SHOC2: variants seen among roughly 807,000 people sequenced by gnomAD.
SHOC2 encodes the protein SHOC2 leucine rich repeat scaffold protein, also known as leucine-rich repeat protein SHOC-2.
In SHOC2, 4 loss-of-function variants were observed where a neutral mutation model predicts 50.2. That is an observed-to-expected ratio of 0.08 (90% CI 0.04 to 0.18). SHOC2 has a LOEUF of 0.18. Ranked by LOEUF, SHOC2 falls within the 10% of genes least tolerant of loss-of-function variation. The pLI is 1.00. For synonymous variants in SHOC2, 218 were observed against 244.5 expected, an observed-to-expected ratio of 0.89 and a Z score of 1.01; for missense variants, 388 against 669.6, an observed-to-expected ratio of 0.58 and a Z score of 4.64.
chr10:110,993,328 A>G (rs1197278340), intron 3 of SHOC2, among the ~76,000 whole-genome samples: 2 of 152,222 alleles, frequency 1.3e-5, no homozygotes, highest in Non-Finnish European at 2.9e-5. Flanking sequence ...GTGAATCACA[A>G]TAAATGCCAG....
At chr10:110,998,828 T>G (rs960660934) in intron 3 of SHOC2, among the ~76,000 whole-genome samples, 2 of 152,200 alleles carry the variant, frequency 1.3e-5, no homozygotes, top group Non-Finnish European at 2.9e-5. Context: ...GTAACTTCAC[T>G]CACTTGATAC....
Position 110,968,007 on chromosome 10 carries a change from G to T in SHOC2, c.703+2946G>T, listed in dbSNP as rs188728507. On this transcript the variant is annotated intron_variant, in intron 2 of 8. Transcript: ENST00000369452. The stretch of plus-strand genomic sequence containing the variant: ...CCTAGTAGAATTGTTGAGTCATATG[G>T]TAACTCTATGTTTAACCTTTTTGAG... Among the ~76,000 whole-genome samples the T allele has an allele frequency of 6.0e-4, 91 of 152,216 alleles. 1 individual carries two copies. Among genetic ancestry groups the T allele is most frequent in the Non-Finnish European group, 1.0e-4 (7 of 67,996 alleles).
chr10:110,958,411 A>G (rs574659064), intron 1 of SHOC2, among the ~76,000 whole-genome samples: 6 of 152,118 alleles, frequency 3.9e-5, no homozygotes, highest in South Asian at 2.1e-4. Context: ...ACGGGGTTTC[A>G]CCATGTTGGC....
chr10:110,946,369 T>G (rs1590790363), intron 1 of SHOC2, among the ~76,000 whole-genome samples: 2 of 149,738 alleles, frequency 1.3e-5, no homozygotes, highest in East Asian at 3.9e-4. Context: ...CATCTAGTAT[T>G]GGCCAGGTTC....
chr10:110,981,878 A>ATTAT (rs1564721080), intron 2 of SHOC2, among the ~76,000 whole-genome samples: 1 of 54,168 alleles, frequency 1.8e-5, no homozygotes, highest in Non-Finnish European at 5.4e-5. Flanking sequence ...TTATTTTTTT[A>ATTAT]AGTTTTAGGG....
At chr10:110,959,634 T>G (rs1564712765) in intron 1 of SHOC2, among the ~76,000 whole-genome samples, 2 of 152,240 alleles carry the variant, frequency 1.3e-5, no homozygotes, top group African/African-American at 4.8e-5. Flanking sequence ...CAGCTTACTG[T>G]TCCCTACCAC....
Position 110,976,431 on chromosome 10 carries a change from C to T in SHOC2, c.704-9197C>T, listed in dbSNP as rs1264484233. On this transcript the variant is annotated intron_variant, in intron 2 of 8. Coordinates refer to ENST00000369452, the MANE Select transcript of SHOC2 (RefSeq NM_007373.4). ...GGCTCTAGTGATCCTTCCTCCTCAG[C>T]CTCCCGAGTCGCTGGGACTACAGGT... Among the ~76,000 whole-genome samples, 3 of 151,918 alleles carry T rather than the reference C, an allele frequency of 2.0e-5. No individual in the cohort carries two copies. The East Asian group carries it at 5.8e-4, about 29-fold the overall frequency.
chr10:110,982,541 T>C (rs1302615969), intron 2 of SHOC2, among the ~76,000 whole-genome samples: 3 of 151,958 alleles, frequency 2.0e-5, no homozygotes, highest in South Asian at 2.1e-4. Flanking sequence ...TTTTAATGAT[T>C]GCCATTCTAA....
At chr10:110,939,439 C>T (rs561996675) in intron 1 of SHOC2, among the ~76,000 whole-genome samples, 2 of 152,136 alleles carry the variant, frequency 1.3e-5, no homozygotes, top group Non-Finnish European at 2.9e-5. Context: ...AGGCTGGTCT[C>T]GAACTTCTGG....
chr10:110,996,464 G>A (rs942758218), intron 3 of SHOC2, among the ~76,000 whole-genome samples: 1 of 151,766 alleles, frequency 6.6e-6, no homozygotes, highest in Non-Finnish European at 1.5e-5. Context: ...GGAGTTTGAG[G>A]CTGCAGAGAG....
intron 1 of SHOC2, among the ~76,000 whole-genome samples, chr10:110,956,898 G>A (rs2134111684): frequency 6.6e-6 from 1 of 151,366 alleles, no homozygotes; most frequent in East Asian, 1.9e-4. Context: ...GCTTCTTCTT[G>A]TAAGAAAGTT....
At chr10:110,959,813 T>G (rs951211681) in intron 1 of SHOC2, among the ~76,000 whole-genome samples, 2 of 152,342 alleles carry the variant, frequency 1.3e-5, no homozygotes, top group East Asian at 1.9e-4. Context: ...TTTTCTGCCT[T>G]CCTTCTGAAG....
chr10:110,989,960 CTG>C (rs1373410610), intron 3 of SHOC2, among the ~76,000 whole-genome samples: 1 of 152,224 alleles, frequency 6.6e-6, no homozygotes, highest in East Asian at 1.9e-4. Flanking sequence ...AAATATGTAT[CTG>C]TAAGTTTGGT....
At chr10:110,949,133 T>C (rs1847303209) in intron 1 of SHOC2, among the ~76,000 whole-genome samples, 1 of 152,060 alleles carries the variant, frequency 6.6e-6, no homozygotes, top group Non-Finnish European at 1.5e-5. Flanking sequence ...AAATAGGGAC[T>C]AGAACAACTG....
At chr10:110,939,027 A>AT (rs2134088017) in intron 1 of SHOC2, among the ~76,000 whole-genome samples, 1 of 152,278 alleles carries the variant, frequency 6.6e-6, no homozygotes, top group Non-Finnish European at 1.5e-5. Flanking sequence ...AACATCAAAA[A>AT]TTGATCTTCT....
chr10:110,921,909 T>C (rs536349695), intron 1 of SHOC2, among the ~76,000 whole-genome samples: 1 of 152,210 alleles, frequency 6.6e-6, no homozygotes, highest in South Asian at 2.1e-4. Flanking sequence ...AATTTTCTCA[T>C]AAATTATTAT....
At position 111,009,675 on chromosome 10, in the gene SHOC2, T is replaced by C. The variant is rs1298577505; in HGVS notation, c.1423-38T>C. The C allele has an allele frequency of 2.4e-6, 3 of 1,240,760 alleles. No individual in the cohort carries two copies. In the Admixed American group the frequency reaches 5.2e-5, roughly 21 times the overall value. 76.9% of individuals were successfully genotyped at this position (1,240,760 alleles called of 1,614,324 possible). A position where few individuals can be genotyped will look rare whatever the true frequency, so the allele number is the denominator to read the frequency against. ...TTCAGTTTACATTAAATGTAGGAAA[T>C]ATATTTGTAACTCTCTTTTATTTTG... On this transcript the variant is annotated intron_variant, in intron 7 of 8. Coordinates refer to ENST00000369452, the MANE Select transcript of SHOC2 (RefSeq NM_007373.4).
intron 1 of SHOC2, among the ~76,000 whole-genome samples, chr10:110,940,910 G>T (rs1173603715): frequency 2.5e-5 from 3 of 119,504 alleles, no homozygotes; most frequent in African/African-American, 9.5e-5. Flanking sequence ...TTTGTGGTGG[G>T]TTTTTTTTTT....
rs1355437825 is a variant in SHOC2 at position 111,011,841 on chromosome 10, A to G, written c.*23A>G. On this transcript the variant is annotated 3_prime_UTR_variant, in exon 9 of 9. Coordinates refer to ENST00000369452, the MANE Select transcript of SHOC2 (RefSeq NM_007373.4). ...TGATATAAATCTGCTGGTCCCACAC[A>G]CTGTTCAAAAATAGACTGCCATTAA... 2 of 1,574,332 alleles carry G rather than the reference A, an allele frequency of 1.3e-6. No homozygotes were observed. The highest frequency in any genetic ancestry group is 1.7e-5 in the Admixed American group (1 of 59,956).
Sources: allele counts gnomAD v4.1 joint callset (sites outside exome capture counted in the v4.1 genomes callset), GRCh38; gene constraint gnomAD v4.1.1; transcripts MANE v1.5; gene names NCBI Gene and HGNC (gene_info 2026-07-23, HGNC 2026-07-21).